Variants in CDH18 observed in about 807,000 individuals in gnomAD.
CDH18 encodes cadherin-18.
Under a neutral mutation model 67.9 loss-of-function variants are expected in CDH18, and 31 were observed. The ratio of observed to expected loss-of-function variants is 0.46; its 90% confidence interval spans 0.34 to 0.62. CDH18 has a LOEUF of 0.62. CDH18 is among the 20% of genes least tolerant of loss of function. The pLI, the probability that CDH18 is intolerant of heterozygous loss-of-function variation, is 0.01. For synonymous variants in CDH18, 362 were observed against 347.2 expected (o/e 1.04, Z -0.48); for missense variants, 890 against 975.5 (o/e 0.91, Z 1.17).
rs983581738 is a variant in CDH18, at chr5:19,597,124, T to A, written c.812-5880A>T. On this transcript the variant is annotated intron_variant, in intron 6 of 12. Transcript: ENST00000382275. ...TTGTATCACTCTCTGGGGCAAGCTA[T>A]CTGTTATGTTTCGTTGCAGCCCATA... Among the ~76,000 whole-genome samples, 4 of 152,164 alleles carry A rather than the reference T, an allele frequency of 2.6e-5. No homozygotes were observed. The East Asian group carries it at 5.8e-4, about 22-fold the overall frequency.
At chr5:20,351,713 G>A (rs140820517) in intron 1 of CDH18, among the ~76,000 whole-genome samples, 1,894 of 152,174 alleles carry the variant, frequency 0.012, 26 homozygotes, top group Non-Finnish European at 0.021. Flanking sequence ...GAGAACTCCC[G>A]TGGCTGTGGA....
intron 2 of CDH18, among the ~76,000 whole-genome samples, chr5:19,950,791 A>C (rs775064498): frequency 6.6e-6 from 1 of 152,224 alleles, no homozygotes; most frequent in Non-Finnish European, 1.5e-5. Flanking sequence ...GTTACATTGC[A>C]TATAAATATT....
intron 1 of CDH18, among the ~76,000 whole-genome samples, chr5:20,415,034 G>A (rs1747169710): frequency 6.6e-6 from 1 of 152,194 alleles, no homozygotes. Context: ...ATACTAACAT[G>A]TTAATTGCAG....
intron 1 of CDH18, among the ~76,000 whole-genome samples, chr5:20,376,604 G>A (rs991150870): frequency 3.3e-5 from 5 of 151,078 alleles, no homozygotes; most frequent in African/African-American, 9.7e-5. Context: ...AAGAAAAGAC[G>A]CTTAACTCTT....
chr5:19,962,995 G>T (rs1797071797), intron 2 of CDH18, among the ~76,000 whole-genome samples: 1 of 151,882 alleles, frequency 6.6e-6, no homozygotes, highest in Non-Finnish European at 1.5e-5. Flanking sequence ...CTTTGTATTT[G>T]ATTTTTTAAA....
At chr5:19,909,346 C>G (rs1282570101) in intron 2 of CDH18, among the ~76,000 whole-genome samples, 2 of 148,250 alleles carry the variant, frequency 1.3e-5, no homozygotes, top group Non-Finnish European at 3.0e-5. Flanking sequence ...CTTGCCCTGC[C>G]TGGAGTGTAG....
At chr5:20,017,364 G>C (rs545052658) in intron 2 of CDH18, among the ~76,000 whole-genome samples, 42 of 151,974 alleles carry the variant, frequency 2.8e-4, no homozygotes, top group Middle Eastern at 6.8e-3. Flanking sequence ...TGTTATTTTT[G>C]TTAAATATCT....
At chr5:20,496,516 C>A (rs1020410371) in intron 1 of CDH18, among the ~76,000 whole-genome samples, 3 of 151,974 alleles carry the variant, frequency 2.0e-5, no homozygotes, top group Non-Finnish European at 2.9e-5. Context: ...TTAAAATATA[C>A]AATTGATAAA....
intron 4 of CDH18, among the ~76,000 whole-genome samples, chr5:19,741,529 C>T (rs988928060): frequency 2.0e-5 from 3 of 151,886 alleles, no homozygotes; most frequent in South Asian, 2.1e-4. Flanking sequence ...TTTTATTCTA[C>T]GACTTTCCTC....
chr5:20,324,742 AT>A (rs904676689), intron 1 of CDH18, among the ~76,000 whole-genome samples: 44 of 152,216 alleles, frequency 2.9e-4, no homozygotes, highest in African/African-American at 1.0e-3. Flanking sequence ...AGACATACAA[AT>A]TCTACCTGGT....
intron 2 of CDH18, among the ~76,000 whole-genome samples, chr5:20,174,124 T>C (rs1168352158): frequency 6.6e-6 from 1 of 152,186 alleles, no homozygotes; most frequent in Non-Finnish European, 1.5e-5. Flanking sequence ...AAGAATGAAA[T>C]GAACTCCTAT....
chr5:20,447,207 T>C (rs1750068431), intron 1 of CDH18, among the ~76,000 whole-genome samples: 1 of 152,182 alleles, frequency 6.6e-6, no homozygotes, highest in South Asian at 2.1e-4. Context: ...TCTTGTTTAT[T>C]TGTTCTTTCT....
At chr5:20,307,417 A>T (rs1265898799) in intron 1 of CDH18, among the ~76,000 whole-genome samples, 3 of 152,208 alleles carry the variant, frequency 2.0e-5, no homozygotes, top group Admixed American at 2.0e-4. Context: ...TATTTTGTCA[A>T]CAAGAGACAT....
intron 8 of CDH18, among the ~76,000 whole-genome samples, chr5:19,552,077 T>A (rs1181952245): frequency 2.6e-5 from 4 of 152,130 alleles, no homozygotes; most frequent in African/African-American, 7.2e-5. Flanking sequence ...GTAGCACTAA[T>A]CATGCCAAGA....
chr5:20,180,478 T>A (rs1012517967), intron 2 of CDH18, among the ~76,000 whole-genome samples: 10 of 152,180 alleles, frequency 6.6e-5, no homozygotes, highest in African/African-American at 2.4e-4. Context: ...GTTTCTGTTT[T>A]AAGGCTCTGT....
intron 1 of CDH18, among the ~76,000 whole-genome samples, chr5:20,394,407 A>G (rs1376339458): frequency 6.6e-6 from 1 of 152,128 alleles, no homozygotes; most frequent in Admixed American, 6.6e-5. Context: ...ATGGAGTTCT[A>G]TCTCTTACCA....
chr5:20,471,074 A>C (rs544870556), intron 1 of CDH18, among the ~76,000 whole-genome samples: 1 of 148,276 alleles, frequency 6.7e-6, no homozygotes, highest in East Asian at 1.9e-4. Context: ...GTGCTTCTCT[A>C]TCTCTCTTAA....
chr5:20,231,927 A>C (rs1742109589), intron 2 of CDH18, among the ~76,000 whole-genome samples: 1 of 152,102 alleles, frequency 6.6e-6, no homozygotes, highest in African/African-American at 2.4e-5. Flanking sequence ...AAATCAATAG[A>C]TTTCTATTGT....
At chr5:19,924,135 A>G (rs1792822676) in intron 2 of CDH18, among the ~76,000 whole-genome samples, 1 of 150,422 alleles carries the variant, frequency 6.6e-6, no homozygotes, top group African/African-American at 2.4e-5. Context: ...TCATAAACAC[A>G]TTATTAAACA....
Sources: gnomAD v4.1 joint callset for allele counts (sites outside exome capture counted in the v4.1 genomes callset) on GRCh38, gnomAD v4.1.1 for gene constraint, MANE v1.5 for transcripts, NCBI Gene and HGNC (gene_info 2026-07-23, HGNC 2026-07-21) for gene names.